The following KIF24 variants were observed in gnomAD, a reference collection of about 807,000 sequenced individuals.
The protein encoded by KIF24 is kinesin-like protein KIF24.
Under a neutral mutation model 118.9 loss-of-function variants are expected in KIF24, and 81 were observed. The ratio of observed to expected loss-of-function variants is 0.68; its 90% CI spans 0.57 to 0.82. KIF24 has a LOEUF of 0.82. Ranked by LOEUF, KIF24 falls within the 40% of genes least tolerant of loss-of-function variation. The pLI is 0.00. For synonymous variants in KIF24, 599 were observed against 610.0 expected (o/e 0.98, Z 0.27); for missense variants, 1,560 against 1,661.6 (o/e 0.94, Z 1.06).
In KIF24 at chr9:34,257,844, AC is replaced by A; in HGVS notation, c.1762del (p.Val588SerfsTer24). ...LSEDKCSPKK[V>X]KLGFQQSLTV... ...GAGTGACTGCTGAAATCCCAGCTTGACTTTTTTGGGAGAACATTTGTCCTCT... is the reference window on the plus strand; with the variant it reads ...GAGTGACTGCTGAAATCCCAGCTTGATTTTTTGGGAGAACATTTGTCCTCT... On this transcript the variant is annotated frameshift_variant, in exon 11 of 13. Coordinates refer to ENST00000402558, the MANE Select transcript of KIF24 (RefSeq NM_194313.4). LOFTEE classifies it high-confidence loss of function. The A allele has an allele frequency of 6.2e-7, 1 of 1,613,902 alleles. No individual in the cohort carries two copies. The highest frequency in any genetic ancestry group is 8.5e-7 in the Non-Finnish European group (1 of 1,179,862).
chr9:34,279,248 C>T (rs879696114), intron 6 of KIF24, among the ~76,000 whole-genome samples: 1 of 152,162 alleles, frequency 6.6e-6, no homozygotes, highest in Admixed American at 6.5e-5. Context: ...TCATCCAACC[C>T]AATCATCTAT....
rs1176701811 is a variant in KIF24, at chr9:34,255,159, C to CT, written c.3878_3879insA (p.Val1294GlyfsTer11). Reference sequence around the variant, plus strand: ...GCTGTTCCTGGTGTGCTCGGATGACCACCTGCCTGGGAACACCAGAGAGAA... The same window carrying CT: ...GCTGTTCCTGGTGTGCTCGGATGACCTACCTGCCTGGGAACACCAGAGAGAA... On this transcript the variant is annotated frameshift_variant, in exon 12 of 13. Coordinates refer to ENST00000402558, the MANE Select transcript of KIF24 (RefSeq NM_194313.4). LOFTEE classifies it high-confidence loss of function. 6.3e-7 allele frequency: 1 copy of CT among 1,575,826 alleles called. No individual in the cohort carries two copies. Among genetic ancestry groups the CT allele is most frequent in the Non-Finnish European group, 8.6e-7 (1 of 1,158,852 alleles).
Position 34,253,267 on chromosome 9 carries a change from A to T in KIF24, c.*1113T>A, listed in dbSNP as rs1834678518. 6.6e-6 allele frequency: 1 copy of T among 152,244 alleles called. No homozygotes were observed. The highest frequency in any genetic ancestry group is 2.4e-5 in the African/African-American group (1 of 41,462). 9.4% of individuals were successfully genotyped at this position (152,244 alleles called of 1,614,324 possible). A position where few individuals can be genotyped will look rare whatever the true frequency, so the allele number is the denominator to read the frequency against. Reference sequence around the variant, plus strand: ...GAAGGAAATAAAGGCTCACATAGTAATGGGCGTTCGGGCCAAGGCCGTGAC... The same window carrying T: ...GAAGGAAATAAAGGCTCACATAGTATTGGGCGTTCGGGCCAAGGCCGTGAC... On this transcript the variant is annotated 3_prime_UTR_variant, in exon 13 of 13. Coordinates refer to ENST00000402558, the MANE Select transcript of KIF24 (RefSeq NM_194313.4).
At chr9:34,255,265 T>C in intron 11 of KIF24, 100 bp from the exon 12 acceptor site, 1 of 735,428 alleles carries the variant, frequency 1.4e-6, no homozygotes, top group Non-Finnish European at 2.3e-6. Flanking sequence ...GAGCTGCCTC[T>C]GCCGAAAATG....
rs562178943 is a variant in KIF24 at position 34,310,900 on chromosome 9, T to A, written c.447A>T (p.Thr149=). The part of the protein sequence containing the change: ...HMLPDDSQYH[T]KTGILNATAG... ...CTGTGGCATTCAGAATTCCTGTTTT[T>A]GTATGGTACTGGGAATCATCTGGTA... The change falls in exon 2 of 13, where the codon ACA becomes ACT. Residue 149 remains threonine, a synonymous_variant. Transcript: ENST00000402558. 9.3e-6 allele frequency: 15 copies of A among 1,613,940 alleles called. No homozygotes were observed. The highest frequency in any genetic ancestry group is 8.0e-5 in the African/African-American group (6 of 75,060).
intron 11 of KIF24, 69 bp downstream of exon 11, chr9:34,255,666 A>C: frequency 2.2e-6 from 3 of 1,381,266 alleles, no homozygotes; most frequent in East Asian, 2.4e-5. Context: ...TGTCCATGAC[A>C]AAACAGTAAG....
chr9:34,320,896 C>G (rs1307607406), intron 1 of KIF24, among the ~76,000 whole-genome samples: 1 of 152,016 alleles, frequency 6.6e-6, no homozygotes, highest in Non-Finnish European at 1.5e-5. Context: ...GGATAATGAC[C>G]CTTCTCCATG....
chr9:34,263,139 G>C lies in KIF24; in HGVS notation c.1477C>G (p.His493Asp). 6.2e-7 allele frequency: 1 copy of C among 1,613,494 alleles called. No individual in the cohort carries two copies. The highest frequency in any genetic ancestry group is 1.3e-5 in the African/African-American group (1 of 75,014). Residue 493 changes from histidine to aspartate, a missense_variant, in exon 9 of 13, where the codon CAC (histidine) becomes GAC (aspartate). By Grantham distance (81) the His-to-Asp change is moderately conservative (BLOSUM62 -1). Around this residue, in one of 3 missense-constraint regions of KIF24, gnomAD observed 964 missense variants for 988.0 expected, o/e 0.98. Coordinates refer to ENST00000402558, the MANE Select transcript of KIF24 (RefSeq NM_194313.4). ...CTTTGCCTGAAGGGAGTATGGGTGT[G>C]TTCCTGATCCAGTGCTCGGATACAT... The part of the protein sequence containing the change: ...KECIRALDQE[H>D]THTPFRQSKL...
At chr9:34,259,482 GAC>G (rs1168216314) in intron 10 of KIF24, 112 bp downstream of exon 10, 6 of 750,786 alleles carry the variant, frequency 8.0e-6, no homozygotes, top group Non-Finnish European at 1.4e-5. Context: ...GAGTGGGAGA[GAC>G]ATGTGCATGC....
In KIF24 at chr9:34,258,023, T is replaced by C. The variant is rs754389973; in HGVS notation, c.1626-42A>G. ...TATGTTAAATGTGTATTTTCACATG[T>C]TCTGCAATTCCTTTTCTATAGCTTT... On this transcript the variant is annotated intron_variant, in intron 10 of 12. Coordinates refer to ENST00000402558, the MANE Select transcript of KIF24 (RefSeq NM_194313.4). 6.4e-6 allele frequency: 9 copies of C among 1,395,656 alleles called. No homozygotes were observed. In the South Asian group the frequency reaches 1.1e-4, roughly 17 times the overall value. 86.5% of individuals were successfully genotyped at this position (1,395,656 alleles called of 1,614,324 possible).
Position 34,257,890 on chromosome 9 carries a change from T to C in KIF24, c.1717A>G (p.Ser573Gly). Reference protein sequence around the residue: ...SGNSSPKRIQSSPGALSEDKC... With the variant: ...SGNSSPKRIQGSPGALSEDKC... ...TCCTCTGACAAAGCCCCAGGGGAGC[T>C]CTGAATTCGTTTTGGAGAGGAGTTT... Residue 573 changes from serine (S) to glycine (G), a missense_variant, in exon 11 of 13, where the codon AGC (serine) becomes GGC (glycine). Physicochemically the swap from Ser to Gly is moderately conservative, Grantham distance 56. Coordinates refer to ENST00000402558, the MANE Select transcript of KIF24 (RefSeq NM_194313.4). 6.2e-7 allele frequency: 1 copy of C among 1,613,996 alleles called. No individual in the cohort carries two copies. The highest frequency in any genetic ancestry group is 1.1e-5 in the South Asian group (1 of 91,090).
rs540999402 is a variant in KIF24, at chr9:34,269,480, C to T, written c.1338-118G>A. ...TGTCGCCCAGGCTGGAGTGCAGTGGCGCGATTTTGGCTCACTGCAACCTCT... is the reference window on the plus strand; with the variant it reads ...TGTCGCCCAGGCTGGAGTGCAGTGGTGCGATTTTGGCTCACTGCAACCTCT... On this transcript the variant is annotated intron_variant, in intron 7 of 12. Coordinates refer to ENST00000402558, the MANE Select transcript of KIF24 (RefSeq NM_194313.4). The T allele has an allele frequency of 2.3e-4, 98 of 433,856 alleles. 3 individuals carry two copies. In the South Asian group the frequency reaches 3.1e-3, roughly 14 times the overall value. 26.9% of individuals were successfully genotyped at this position (433,856 alleles called of 1,614,324 possible).
At chr9:34,270,910 C>T (rs2131704804) in intron 7 of KIF24, among the ~76,000 whole-genome samples, 1 of 150,394 alleles carries the variant, frequency 6.6e-6, no homozygotes, top group East Asian at 2.0e-4. Flanking sequence ...GCAGCCAGAT[C>T]TCCCTCACAT....
chr9:34,259,105 T>C (rs1394827938), intron 10 of KIF24, among the ~76,000 whole-genome samples: 36 of 152,180 alleles, frequency 2.4e-4, no homozygotes, highest in Non-Finnish European at 1.5e-5. Flanking sequence ...CAACTCCTAG[T>C]GAGCCTTTGG....
intron 9 of KIF24, 60 bp from the exon 10 acceptor site, chr9:34,259,765 A>G (rs1834988512): frequency 1.9e-6 from 2 of 1,045,004 alleles, no homozygotes; most frequent in Non-Finnish European, 3.0e-6. Context: ...CATACTGACT[A>G]CTTACTAGGT....
chr9:34,263,548 T>C (rs1835173232), intron 8 of KIF24, among the ~76,000 whole-genome samples: 3 of 152,092 alleles, frequency 2.0e-5, no homozygotes, highest in African/African-American at 7.2e-5. Context: ...GTTGATGCAC[T>C]TAAACAGACA....
At chr9:34,285,631 T>C (rs1331514638) in intron 6 of KIF24, among the ~76,000 whole-genome samples, 8 of 151,612 alleles carry the variant, frequency 5.3e-5, no homozygotes, top group Admixed American at 6.6e-5. Context: ...AAAAATTAGC[T>C]GGGCGTGGTG....
chr9:34,287,994 G>A (rs1343596145), intron 5 of KIF24, among the ~76,000 whole-genome samples: 1 of 151,172 alleles, frequency 6.6e-6, no homozygotes, highest in Non-Finnish European at 1.5e-5. Context: ...TAATCTCTGA[G>A]CCCACCCCAG....
intron 9 of KIF24, 86 bp from the exon 10 acceptor site, chr9:34,259,791 A>G: frequency 1.2e-6 from 1 of 820,992 alleles, no homozygotes; most frequent in Non-Finnish European, 2.1e-6. Context: ...ATGCTGGGCC[A>G]TAGTTCCCTT....
Sources: allele counts gnomAD v4.1 joint callset (sites outside exome capture counted in the v4.1 genomes callset), GRCh38; gene constraint gnomAD v4.1.1; regional missense constraint gnomAD v4.1.1; transcripts MANE v1.5; gene names NCBI Gene and HGNC (gene_info 2026-07-23, HGNC 2026-07-21).